RNF38: variants seen among roughly 807,000 people sequenced by gnomAD.
RNF38 encodes the protein E3 ubiquitin-protein ligase RNF38.
In RNF38, 15 loss-of-function variants were observed where a neutral mutation model predicts 67.2. The observed-to-expected ratio is 0.22, with a 90% confidence interval of 0.15 to 0.34. RNF38 has a LOEUF of 0.34. Among genes scored for constraint, RNF38 ranks in the 10% least tolerant of loss-of-function variants. RNF38 has a pLI of 1.00. For synonymous variants in RNF38, 220 were observed against 218.8 expected (o/e 1.01, Z -0.05); for missense variants, 524 against 639.9 (o/e 0.82, Z 1.95).
chr9:36,460,962 CA>C (rs1214528185), intron 1 of RNF38, among the ~76,000 whole-genome samples: 1 of 150,552 alleles, frequency 6.6e-6, no homozygotes, highest in Non-Finnish European at 1.5e-5. Flanking sequence ...ACTGTAATTC[CA>C]ACACTTTGGG....
At chr9:36,368,595 C>G (rs1023370661) in intron 4 of RNF38, among the ~76,000 whole-genome samples, 1 of 152,110 alleles carries the variant, frequency 6.6e-6, no homozygotes, top group Admixed American at 6.5e-5. Flanking sequence ...TATTTTATAT[C>G]CATACTTTTA....
chr9:36,423,667 C>T (rs950315510), intron 2 of RNF38, among the ~76,000 whole-genome samples: 1 of 102,498 alleles, frequency 9.8e-6, no homozygotes, highest in Admixed American at 8.8e-5. Flanking sequence ...TGAAAAGCCC[C>T]GGCCGGGCGC....
At chr9:36,432,365 C>T (rs1195200303) in intron 1 of RNF38, among the ~76,000 whole-genome samples, 1 of 152,050 alleles carries the variant, frequency 6.6e-6, no homozygotes. Context: ...GAACACCAGA[C>T]CTCGTGATCC....
chr9:36,336,838 A>AT lies in RNF38; in HGVS notation c.*2913_*2914insA, dbSNP rs1832477161. ...AATTATTCTAAGAGGCCCAAATTTA[A>AT]GAATCTTAACAAATCACATTTCAGA... On this transcript the variant is annotated 3_prime_UTR_variant, in exon 12 of 12. Transcript: ENST00000259605. The AT allele has an allele frequency of 6.6e-6, 1 of 152,440 alleles. No homozygotes were observed. The highest frequency in any genetic ancestry group is 1.5e-5 in the Non-Finnish European group (1 of 68,044). The allele number at this position is 152,440 out of a possible 1,614,324, so 9.4% of individuals were successfully genotyped here.
rs544217136 is a variant in RNF38, at chr9:36,385,380, CTTTT to C, written c.162+5083_162+5086del. Among the ~76,000 whole-genome samples, 940 of 138,484 alleles carry C rather than the reference CTTTT, an allele frequency of 6.8e-3. 13 individuals are homozygous for C. The highest frequency in any genetic ancestry group is 8.3e-3 in the Non-Finnish European group (530 of 63,958). 90.9% of individuals were successfully genotyped at this position (138,484 alleles called of 152,430 possible). A position where few individuals can be genotyped will look rare whatever the true frequency, so the allele number is the denominator to read the frequency against. On this transcript the variant is annotated intron_variant, in intron 2 of 11. Transcript: ENST00000259605. ...CTGCTGCTGGTCTGATCCACTACAG[CTTTT>C]TTTTTTTTTTTTGGAGACAGTTTCG...
intron 4 of RNF38, among the ~76,000 whole-genome samples, 186 bp from the exon 5 acceptor site, chr9:36,358,128 T>C (rs955910971): frequency 6.6e-6 from 1 of 152,174 alleles, no homozygotes; most frequent in Non-Finnish European, 1.5e-5. Context: ...TTCAAGAGTA[T>C]ATACTATTTC....
chr9:36,422,413 T>C (rs1480458749), intron 2 of RNF38, among the ~76,000 whole-genome samples: 2 of 151,092 alleles, frequency 1.3e-5, no homozygotes, highest in African/African-American at 4.9e-5. Context: ...GGAGACTCAG[T>C]CTACCCACCA....
intron 2 of RNF38, among the ~76,000 whole-genome samples, chr9:36,389,031 A>G (rs957240074): frequency 6.6e-6 from 1 of 152,140 alleles, no homozygotes; most frequent in African/African-American, 2.4e-5. Context: ...ACTTTGCTTC[A>G]TGTCGAACAG....
chr9:36,361,670 T>C (rs1160762995), intron 4 of RNF38, among the ~76,000 whole-genome samples: 1 of 152,184 alleles, frequency 6.6e-6, no homozygotes, highest in Non-Finnish European at 1.5e-5. Flanking sequence ...CTCTGGTGAA[T>C]CACTTTTAAT....
intron 1 of RNF38, 114 bp from the exon 2 acceptor site, chr9:36,390,730 G>T: frequency 9.3e-7 from 1 of 1,076,522 alleles, no homozygotes; most frequent in Non-Finnish European, 1.3e-6. Flanking sequence ...TGCTAGCGAA[G>T]ACAGGAAAGA....
chr9:36,403,262 GTGTC>G (rs1277968666), upstream of RNF38, among the ~76,000 whole-genome samples: 3 of 152,190 alleles, frequency 2.0e-5, no homozygotes, highest in Admixed American at 6.5e-5. Context: ...ATTTTATTTG[GTGTC>G]TGTCCACAAA....
intron 4 of RNF38, among the ~76,000 whole-genome samples, chr9:36,362,797 C>A (rs1355311262): frequency 2.6e-5 from 4 of 152,066 alleles, no homozygotes; most frequent in African/African-American, 9.7e-5. Context: ...CCACACCCAG[C>A]TAATTTTTGT....
chr9:36,354,720 T>C (rs1833970992), intron 6 of RNF38, among the ~76,000 whole-genome samples: 1 of 152,236 alleles, frequency 6.6e-6, no homozygotes, highest in Non-Finnish European at 1.5e-5. Flanking sequence ...AATAGTGCTA[T>C]TACTACATTT....
Position 36,366,472 on chromosome 9 carries a change from TA to T in RNF38, c.570+3246del, listed in dbSNP as rs890270146. ...TTCATGTTCTGTTTGATTCTGGTATTAAAAAAAATACTGATTATTGTATATT... is the reference window on the plus strand; with the variant it reads ...TTCATGTTCTGTTTGATTCTGGTATTAAAAAAATACTGATTATTGTATATT... On this transcript the variant is annotated intron_variant, in intron 4 of 11. Coordinates refer to ENST00000259605, the MANE Select transcript of RNF38 (RefSeq NM_022781.5). Among the ~76,000 whole-genome samples, 103 of 152,104 alleles carry T rather than the reference TA, an allele frequency of 6.8e-4. 1 individual carries two copies. The highest frequency in any genetic ancestry group is 6.8e-3 in the Middle Eastern group (2 of 294).
At position 36,375,960 on chromosome 9, in the gene RNF38, G is replaced by A. The variant is rs140887276; in HGVS notation, c.330C>T (p.Cys110=). The A allele has an allele frequency of 8.1e-6, 13 of 1,612,588 alleles. No homozygotes were observed. Among genetic ancestry groups the A allele is most frequent in the Non-Finnish European group, 1.1e-5 (13 of 1,179,538 alleles). ...TTCTTCTGTTGCGTGCAGGTGTGTT[G>A]CATCGTTCCCCTGAGAAGTGATGTT... ...PSQHHFSGER[C]NTPARNRRSP... is the part of the protein sequence containing the mutation. Residue 110 remains cysteine (C), a synonymous_variant, in exon 3 of 12, where the codon TGC becomes TGT. Coordinates refer to ENST00000259605, the MANE Select transcript of RNF38 (RefSeq NM_022781.5).
At chr9:36,370,798 C>T (rs1395502113) in intron 3 of RNF38, among the ~76,000 whole-genome samples, 1 of 151,886 alleles carries the variant, frequency 6.6e-6, no homozygotes, top group African/African-American at 2.4e-5. Flanking sequence ...GTCCCAGCTA[C>T]CTGGGAGGCT....
chr9:36,487,179 G>A (rs1840435601), intron 1 of RNF38: 8 of 608,782 alleles, frequency 1.3e-5, no homozygotes, highest in Non-Finnish European at 1.6e-5. Context: ...CTCCGGGGCC[G>A]GACAAAGCTG....
At chr9:36,382,065 T>C (rs1173228062) in intron 2 of RNF38, among the ~76,000 whole-genome samples, 1 of 152,254 alleles carries the variant, frequency 6.6e-6, no homozygotes, top group Non-Finnish European at 1.5e-5. Context: ...TCCCAGGTGA[T>C]GATGCTTGGA....
chr9:36,441,851 T>C (rs1839198371), intron 1 of RNF38, among the ~76,000 whole-genome samples: 1 of 152,206 alleles, frequency 6.6e-6, no homozygotes, highest in Non-Finnish European at 1.5e-5. Context: ...AAATCACAGC[T>C]ATTTAAGGAA....
Sources: allele counts gnomAD v4.1 joint callset (sites outside exome capture counted in the v4.1 genomes callset), GRCh38; gene constraint gnomAD v4.1.1; transcripts MANE v1.5; gene names NCBI Gene and HGNC (gene_info 2026-07-23, HGNC 2026-07-21).